Variants in DPP10 observed in about 807,000 individuals in gnomAD.
DPP10 encodes the protein dipeptidyl peptidase like 10, also known as inactive dipeptidyl peptidase 10.
DPP10 carries 33 observed loss-of-function variants against 120.9 expected under a neutral mutation model. The observed-to-expected ratio is 0.27, with a 90% CI of 0.21 to 0.37. The LOEUF (loss-of-function observed/expected upper bound fraction) is 0.37, where lower values mean the gene tolerates loss of function less well. DPP10 is among the 10% of genes least tolerant of loss of function. The probability of loss-of-function intolerance (pLI) is 1.00; values close to 1 mark genes in which losing one functional copy is unlikely to be tolerated. For missense variants in DPP10, 816 were observed against 942.8 expected (o/e 0.87, Z 1.76); for synonymous variants, 337 against 326.1 (o/e 1.03, Z -0.36).
At chr2:114,552,194 G>T (rs1310208276) in intron 1 of DPP10, among the ~76,000 whole-genome samples, 1 of 152,202 alleles carries the variant, frequency 6.6e-6, no homozygotes, top group Non-Finnish European at 1.5e-5. Flanking sequence ...CCTCAGTTTT[G>T]TTGCCAGTGC....
intron 19 of DPP10, among the ~76,000 whole-genome samples, chr2:115,800,264 C>T (rs1685041193): frequency 6.6e-6 from 1 of 151,736 alleles, no homozygotes; most frequent in African/African-American, 2.4e-5. Flanking sequence ...TGTCCTTCGC[C>T]CACTTTTTGA....
chr2:114,755,283 T>C (rs1679622558), intron 1 of DPP10, among the ~76,000 whole-genome samples: 1 of 152,184 alleles, frequency 6.6e-6, no homozygotes, highest in Admixed American at 6.5e-5. Flanking sequence ...GTGGTTACAC[T>C]GTTTGTTTTG....
intron 5 of DPP10, among the ~76,000 whole-genome samples, chr2:115,578,215 C>G (rs1432345008): frequency 6.6e-6 from 1 of 152,128 alleles, no homozygotes; most frequent in Non-Finnish European, 1.5e-5. Context: ...ATGAAATACT[C>G]TCTTCACAGT....
chr2:115,629,833 G>A (rs904284055), intron 5 of DPP10, among the ~76,000 whole-genome samples: 3 of 152,146 alleles, frequency 2.0e-5, no homozygotes, highest in South Asian at 2.1e-4. Flanking sequence ...AAGTCAGGTA[G>A]CATGATGCCT....
chr2:115,640,484 A>G (rs1339771523), intron 5 of DPP10, among the ~76,000 whole-genome samples: 2 of 151,932 alleles, frequency 1.3e-5, no homozygotes, highest in Non-Finnish European at 2.9e-5. Context: ...AAAAAACGAC[A>G]TCTTGATCTC....
intron 3 of DPP10, among the ~76,000 whole-genome samples, chr2:115,406,190 C>T (rs1485705262): frequency 6.6e-6 from 1 of 152,170 alleles, no homozygotes; most frequent in Non-Finnish European, 1.5e-5. Flanking sequence ...AGGACAGGGA[C>T]ACAATATGAT....
chr2:114,713,992 A>AC (rs199831495), intron 1 of DPP10, among the ~76,000 whole-genome samples: 1,710 of 151,420 alleles, frequency 0.011, 10 homozygotes, highest in Middle Eastern at 0.034. Context: ...CAAAAAAAAA[A>AC]AAGAAAAAAA....
At chr2:115,836,003 C>A (rs1283758298) in intron 21 of DPP10, among the ~76,000 whole-genome samples, 154 bp from the exon 22 acceptor site, 2 of 151,746 alleles carry the variant, frequency 1.3e-5, no homozygotes, top group Admixed American at 6.6e-5. Context: ...TTCCCCCAAG[C>A]CTGAGACATT....
chr2:115,251,466 A>G (rs1403743961), intron 1 of DPP10, among the ~76,000 whole-genome samples: 3 of 152,180 alleles, frequency 2.0e-5, no homozygotes, highest in African/African-American at 4.8e-5. Context: ...TCTTCTTATT[A>G]GAAAGCTTTT....
chr2:114,454,860 G>A (rs748206772), intron 1 of DPP10, among the ~76,000 whole-genome samples: 18 of 151,948 alleles, frequency 1.2e-4, no homozygotes, highest in Admixed American at 2.0e-4. Context: ...TGAATCCACC[G>A]CTAGACTGCA....
At chr2:115,735,982 G>A (rs7596095) in intron 8 of DPP10, among the ~76,000 whole-genome samples, 8,142 of 152,104 alleles carry the variant, frequency 0.054, 725 homozygotes, top group African/African-American at 0.18. Context: ...TCTGGCAGAT[G>A]AGGACCATCA....
intron 1 of DPP10, among the ~76,000 whole-genome samples, chr2:114,873,828 T>A (rs1419665575): frequency 6.6e-6 from 1 of 152,154 alleles, no homozygotes; most frequent in African/African-American, 2.4e-5. Flanking sequence ...AGAAGTGAGA[T>A]GGCTTTCTAT....
intron 5 of DPP10, among the ~76,000 whole-genome samples, chr2:115,618,084 A>G (rs1340307694): frequency 6.6e-6 from 1 of 152,174 alleles, no homozygotes; most frequent in African/African-American, 2.4e-5. Flanking sequence ...GGACTTTTCC[A>G]TTTAATATTA....
chr2:114,812,905 C>A (rs1279196393), intron 1 of DPP10, among the ~76,000 whole-genome samples: 1 of 152,134 alleles, frequency 6.6e-6, no homozygotes, highest in East Asian at 1.9e-4. Context: ...ATAGGCTTGG[C>A]TAATGCCCAA....
intron 1 of DPP10, among the ~76,000 whole-genome samples, chr2:115,088,995 C>T (rs1362887420): frequency 6.6e-6 from 1 of 151,982 alleles, no homozygotes; most frequent in Non-Finnish European, 1.5e-5. Context: ...CAGGTTGGCC[C>T]CTCATCCTCA....
At chr2:115,470,330 G>C (rs971044084) in intron 3 of DPP10, among the ~76,000 whole-genome samples, 1 of 152,114 alleles carries the variant, frequency 6.6e-6, no homozygotes, top group Non-Finnish European at 1.5e-5. Flanking sequence ...ACAACCCAAC[G>C]TTTTAATGTG....
chr2:115,513,434 T>C lies in DPP10; in HGVS notation c.367-12464T>C, dbSNP rs116613605. Among the ~76,000 whole-genome samples the C allele has an allele frequency of 9.2e-3, 1,406 of 152,050 alleles. 15 individuals carry two copies. The highest frequency in any genetic ancestry group is 0.031 in the African/African-American group (1,272 of 41,562). The stretch of plus-strand genomic sequence containing the variant: ...TTTAATAATATTTGTTTTCTACATA[T>C]CATATGTCATTTTTGTTTCTCCATT... On this transcript the variant is annotated intron_variant, in intron 4 of 25. Transcript: ENST00000410059.
intron 1 of DPP10, among the ~76,000 whole-genome samples, chr2:114,583,733 A>G (rs1053652777): frequency 1.3e-5 from 2 of 152,236 alleles, no homozygotes; most frequent in Non-Finnish European, 2.9e-5. Context: ...AATACCTGCT[A>G]TTTTAAATAA....
rs77371087 is a variant in DPP10, at chr2:115,134,487, G to A, written c.61-174752G>A. Among the ~76,000 whole-genome samples the A allele has an allele frequency of 4.7e-4, 72 of 152,278 alleles. 1 individual carries two copies. The highest frequency in any genetic ancestry group is 4.6e-3 in the East Asian group (24 of 5,168). On this transcript the variant is annotated intron_variant, in intron 1 of 25. Coordinates refer to ENST00000410059, the MANE Select transcript of DPP10 (RefSeq NM_020868.6). ...AATCACATTTAGATGGGAAAACTGA[G>A]TGAGGAGGAAGTCAGGTATGTTTCC...
Sources: allele counts gnomAD v4.1 joint callset (sites outside exome capture counted in the v4.1 genomes callset), GRCh38; gene constraint gnomAD v4.1.1; transcripts MANE v1.5; gene names NCBI Gene and HGNC (gene_info 2026-07-23, HGNC 2026-07-21).